Variants in PMPCA observed in about 807,000 individuals in gnomAD.
PMPCA encodes peptidase, mitochondrial processing subunit alpha, also known as mitochondrial-processing peptidase subunit alpha.
A neutral mutation model predicts 59.3 loss-of-function variants in PMPCA; 47 were observed. The ratio of observed to expected loss-of-function variants is 0.79; its 90% confidence interval spans 0.63 to 1.01. PMPCA has a LOEUF of 1.01. Ranked by LOEUF, PMPCA falls within the 50% of genes least tolerant of loss-of-function variation. The pLI is 0.00. For synonymous variants in PMPCA, 338 were observed against 290.3 expected (o/e 1.16, Z -1.67); for missense variants, 726 against 704.5 (o/e 1.03, Z -0.34).
chr9:136,423,543 G>A lies in PMPCA; in HGVS notation c.*279G>A, dbSNP rs143648319. On this transcript the variant is annotated 3_prime_UTR_variant, in exon 13 of 13. Coordinates refer to ENST00000371717, the MANE Select transcript of PMPCA (RefSeq NM_015160.3). ...GAGGGCGGTCGGTGCTTCCCTCCTCGGGCTGTGGGCACATGGGGCCCCGCA... is the reference window on the plus strand; with the variant it reads ...GAGGGCGGTCGGTGCTTCCCTCCTCAGGCTGTGGGCACATGGGGCCCCGCA... 449 of 383,252 alleles carry A rather than the reference G, an allele frequency of 1.2e-3. 5 individuals are homozygous for A. The highest frequency in any genetic ancestry group is 8.3e-3 in the African/African-American group (410 of 49,574). The allele number at this position is 383,252 out of a possible 1,614,324, so 23.7% of individuals were successfully genotyped here. A position where few individuals can be genotyped will look rare whatever the true frequency, so the allele number is the denominator to read the frequency against.
At chr9:136,411,233 A>G (rs969114337) in intron 1 of PMPCA, 3 of 155,244 alleles carry the variant, frequency 1.9e-5, no homozygotes, top group African/African-American at 7.2e-5. Context: ...TTGTTCCGAC[A>G]GCACAGGCGT....
At chr9:136,413,755 G>A (rs1835198523) in intron 4 of PMPCA, among the ~76,000 whole-genome samples, 1 of 151,984 alleles carries the variant, frequency 6.6e-6, no homozygotes, top group Admixed American at 6.6e-5. Context: ...AGCCCCCCTC[G>A]CCCTCAGCTC....
intron 12 of PMPCA, 30 bp from the exon 13 acceptor site, chr9:136,423,065 C>T (rs770081260): frequency 1.1e-5 from 18 of 1,594,314 alleles, no homozygotes; most frequent in South Asian, 5.6e-5. Context: ...GTGGCGCGCT[C>T]GTGTGACACG....
In PMPCA at chr9:136,417,285, T is replaced by A. The variant is rs181361571; in HGVS notation, c.897+71T>A. 6.8e-6 allele frequency: 9 copies of A among 1,325,090 alleles called. No homozygotes were observed. In the East Asian group the frequency reaches 1.9e-4, roughly 28 times the overall value. The allele number at this position is 1,325,090 out of a possible 1,614,324, so 82.1% of individuals were successfully genotyped here. The stretch of plus-strand genomic sequence containing the variant: ...CCCTGGCCCGTGGTGTGACCTGTTT[T>A]TGTATTGATTCTGAGGGTGATAGGT... On this transcript the variant is annotated intron_variant, in intron 7 of 12. Transcript: ENST00000371717.
At chr9:136,411,881 TAGAA>T in intron 1 of PMPCA, 112 bp from the exon 2 acceptor site, 1 of 697,642 alleles carries the variant, frequency 1.4e-6, no homozygotes, top group Middle Eastern at 3.9e-4. Flanking sequence ...ATAAGTCCTG[TAGAA>T]AGGCAGATGC....
intron 12 of PMPCA, 123 bp downstream of exon 12, chr9:136,422,099 C>T (rs754476045): frequency 1.3e-6 from 2 of 1,545,784 alleles, no homozygotes; most frequent in African/African-American, 1.4e-5. Flanking sequence ...GAATCTGGGG[C>T]CTTCACCAGT....
intron 3 of PMPCA, 118 bp downstream of exon 3, chr9:136,412,687 G>T: frequency 5.0e-6 from 4 of 796,838 alleles, no homozygotes; most frequent in Non-Finnish European, 8.5e-6. Flanking sequence ...GTTAATAAAA[G>T]ACTTTTAAGT....
chr9:136,410,967 C>A (rs185782552), intron 1 of PMPCA, among the ~76,000 whole-genome samples: 10 of 152,260 alleles, frequency 6.6e-5, no homozygotes, highest in Non-Finnish European at 1.5e-4. Context: ...CCTCTCCCCC[C>A]CTCACTTCCC....
At chr9:136,418,784 C>G (rs1350163436) in intron 9 of PMPCA, 44 bp from the exon 10 acceptor site, 1 of 1,538,222 alleles carries the variant, frequency 6.5e-7, no homozygotes, top group Admixed American at 1.7e-5. Flanking sequence ...ATGGCCTGAT[C>G]CTGGCGAGTC....
In PMPCA at chr9:136,412,107, G is replaced by A. The variant is rs1426493628; in HGVS notation, c.182G>A (p.Gly61Glu). Residue 61 changes from glycine to glutamate, a missense_variant, in exon 2 of 13, where the codon GGA (glycine) becomes GAA (glutamate). Transcript: ENST00000371717. ...VPKPVFATVD[G>E]QEKFETKVTT... ...AAGCCTGTTTTTGCTACAGTTGATG[G>A]ACAGGAAAAGTTTGAAACCAAAGTA... 6.2e-7 allele frequency: 1 copy of A among 1,613,830 alleles called. No homozygotes were observed. The highest frequency in any genetic ancestry group is 8.5e-7 in the Non-Finnish European group (1 of 1,179,746).
chr9:136,414,326 G>A (rs1835213217), intron 4 of PMPCA, among the ~76,000 whole-genome samples: 1 of 152,218 alleles, frequency 6.6e-6, no homozygotes, highest in Non-Finnish European at 1.5e-5. Flanking sequence ...AAGGGTAGGA[G>A]GTGTCCCCTG....
chr9:136,421,855 G>A lies in PMPCA; in HGVS notation c.1287G>A (p.Thr429=), dbSNP rs376312798. The change falls in exon 12 of 13, where the codon ACG becomes ACA. Residue 429 remains threonine, a synonymous_variant. Transcript: ENST00000371717. The part of the protein sequence containing the change: ...VDTVELERAK[T]QLTSMLMMNL... ...AGGTGGAGCTGGAACGAGCCAAGAC[G>A]CAGCTGACATCAATGCTCATGATGA... 5.3e-5 allele frequency: 84 copies of A among 1,599,274 alleles called. No individual in the cohort carries two copies. The highest frequency in any genetic ancestry group is 2.7e-4 in the East Asian group (12 of 44,558).
At chr9:136,414,278 A>G (rs900986487) in intron 4 of PMPCA, among the ~76,000 whole-genome samples, 4 of 152,230 alleles carry the variant, frequency 2.6e-5, no homozygotes, top group Non-Finnish European at 5.9e-5. Context: ...GTAAGACAGG[A>G]AAAGAGAAAG....
chr9:136,417,865 G>T, intron 7 of PMPCA, 152 bp from the exon 8 acceptor site: 1 of 660,946 alleles, frequency 1.5e-6, no homozygotes, highest in South Asian at 1.6e-5. Flanking sequence ...TGCCCACCTT[G>T]GCCTCCCAAA....
chr9:136,421,970 C>T lies in PMPCA; in HGVS notation c.1402C>T (p.Leu468Phe). ...AAAGCTGCCGCACGAGCTGTGCACG[C>T]TCATCCGTGAGTACCGCAGGGGTAG... ...SRKLPHELCT[L>F]IRNVKPEDVK... is the part of the protein sequence containing the mutation. Residue 468 changes from leucine to phenylalanine, a missense_variant, in exon 12 of 13, where the codon CTC becomes TTC. Coordinates refer to ENST00000371717, the MANE Select transcript of PMPCA (RefSeq NM_015160.3). 1 of 1,610,744 alleles carries T rather than the reference C, an allele frequency of 6.2e-7. No homozygotes were observed. The highest frequency in any genetic ancestry group is 8.5e-7 in the Non-Finnish European group (1 of 1,178,590).
At chr9:136,415,397 T>C (rs1276755517) in intron 5 of PMPCA, among the ~76,000 whole-genome samples, 1 of 152,222 alleles carries the variant, frequency 6.6e-6, no homozygotes, top group Non-Finnish European at 1.5e-5. Flanking sequence ...TTTAAACAAG[T>C]GGAATGGTGT....
At chr9:136,419,968 A>G (rs1835401793) in intron 11 of PMPCA, 1 of 151,554 alleles carries the variant, frequency 6.6e-6, no homozygotes. Flanking sequence ...AAGTGGTACA[A>G]ATAAGCAAGT....
Position 136,412,891 on chromosome 9 carries a change from A to G in PMPCA, c.436A>G (p.Arg146Gly). The G allele has an allele frequency of 6.4e-7, 1 of 1,569,364 alleles. No homozygotes were observed. Among genetic ancestry groups the G allele is most frequent in the Non-Finnish European group, 8.8e-7 (1 of 1,140,662 alleles). Residue 146 changes from arginine (R) to glycine (G), a missense_variant and splice_region_variant, in exon 4 of 13, where the codon AGA becomes GGA. Physicochemically the swap from Arg to Gly is moderately radical, Grantham distance 125 (BLOSUM62 -2). Coordinates refer to ENST00000371717, the MANE Select transcript of PMPCA (RefSeq NM_015160.3). ...HGGICDCQTS[R>G]DTTMYAVSAD... ...GGGTATCTGTGACTGCCAGACATCA[A>G]GGTACACCAGCTTTTGTGTACAAAC... is the stretch of plus-strand genomic sequence containing the variant.
In PMPCA at chr9:136,416,933, G is replaced by A; in HGVS notation, c.634-18G>A. On this transcript the variant is annotated intron_variant, in intron 6 of 12. Transcript: ENST00000371717. Reference sequence around the variant, plus strand: ...ATGCTGTCTTCAGTCACCTGTGTCTGTGGCTCTTCCCCATTAGGCGGCTTA... The same window carrying A: ...ATGCTGTCTTCAGTCACCTGTGTCTATGGCTCTTCCCCATTAGGCGGCTTA... The A allele has an allele frequency of 6.3e-7, 1 of 1,595,796 alleles. No individual in the cohort carries two copies. Among genetic ancestry groups the A allele is most frequent in the Non-Finnish European group, 8.6e-7 (1 of 1,168,952 alleles).
Sources: gnomAD v4.1 joint callset for allele counts (sites outside exome capture counted in the v4.1 genomes callset) on GRCh38, gnomAD v4.1.1 for gene constraint, MANE v1.5 for transcripts, NCBI Gene and HGNC (gene_info 2026-07-23, HGNC 2026-07-21) for gene names.